PCSK6: variants seen among roughly 807,000 people sequenced by gnomAD.
The protein encoded by PCSK6 is proprotein convertase subtilisin/kexin type 6.
Under a neutral mutation model 123.3 loss-of-function variants are expected in PCSK6, and 85 were observed. The ratio of observed to expected loss-of-function variants is 0.69; its 90% CI spans 0.58 to 0.83. The LOEUF (loss-of-function observed/expected upper bound fraction) is 0.83. Ranked by LOEUF, PCSK6 falls within the 40% of genes least tolerant of loss-of-function variation. The probability of loss-of-function intolerance (pLI) is 0.00; values close to 1 mark genes in which losing one functional copy is unlikely to be tolerated. For synonymous variants in PCSK6, 508 were observed against 516.0 expected, an observed-to-expected ratio of 0.98 and a Z score of 0.21; for missense variants, 1,191 against 1,282.3, an observed-to-expected ratio of 0.93 and a Z score of 1.09.
Position 101,325,062 on chromosome 15 carries a change from C to A in PCSK6, c.2181-16G>T. On this transcript the variant is annotated splice_polypyrimidine_tract_variant and intron_variant, in intron 16 of 21. Coordinates refer to ENST00000611716, the MANE Select transcript of PCSK6 (RefSeq NM_002570.5). Reference sequence around the variant, plus strand: ...CACGCACTTCCTGTAGGAGCAAAGGCAGGAGGGTGAGGGCCTTGCCAACCC... The same window carrying A: ...CACGCACTTCCTGTAGGAGCAAAGGAAGGAGGGTGAGGGCCTTGCCAACCC... 1 of 1,589,288 alleles carries A rather than the reference C, an allele frequency of 6.3e-7. No homozygotes were observed. Among genetic ancestry groups the A allele is most frequent in the Non-Finnish European group, 8.6e-7 (1 of 1,168,340 alleles).
intron 5 of PCSK6, among the ~76,000 whole-genome samples, chr15:101,429,032 G>A (rs549199086): frequency 4.6e-5 from 7 of 152,314 alleles, no homozygotes; most frequent in South Asian, 4.1e-4. Flanking sequence ...TCCAGTGGCC[G>A]AGGCTTCCTG....
intron 1 of PCSK6, among the ~76,000 whole-genome samples, chr15:101,483,807 G>C (rs555187023): frequency 2.0e-5 from 3 of 152,348 alleles, no homozygotes; most frequent in South Asian, 2.1e-4. Flanking sequence ...CCTGCAGCCA[G>C]ACATTCTGTT....
intron 19 of PCSK6, among the ~76,000 whole-genome samples, chr15:101,314,999 T>G (rs2039955827): frequency 2.0e-5 from 3 of 152,164 alleles, no homozygotes; most frequent in Admixed American, 6.6e-5. Context: ...TGGGAGCTGT[T>G]CAGGGCCTGC....
chr15:101,489,663 G>A lies in PCSK6; in HGVS notation c.8C>T (p.Pro3Leu), dbSNP rs2058129263. 4.2e-5 allele frequency: 41 copies of A among 976,690 alleles called. No homozygotes were observed. The highest frequency in any genetic ancestry group is 6.4e-5 in the Admixed American group (1 of 15,650). 60.5% of individuals were successfully genotyped at this position (976,690 alleles called of 1,614,324 possible). A position where few individuals can be genotyped will look rare whatever the true frequency, so the allele number is the denominator to read the frequency against. The change falls in exon 1 of 22, where the codon CCG becomes CTG. Residue 3 changes from proline (P) to leucine (L), a missense_variant. Transcript: ENST00000611716. ...GGGCCCGGGCGCAGGCGGCGCGCGC[G>A]GAGGCATAGCGGCGACAGGCTCGCG... MP[P>L]RAPPAPGPRP... is the part of the protein sequence containing the mutation.
Position 101,326,387 on chromosome 15 carries a change from T to C in PCSK6, c.2170A>G (p.Lys724Glu). 6.4e-7 allele frequency: 1 copy of C among 1,572,352 alleles called. No individual in the cohort carries two copies. The highest frequency in any genetic ancestry group is 1.4e-5 in the African/African-American group (1 of 73,910). ...NCVHFSLGSV[K>E]TSRKCVSVCP... is the part of the protein sequence containing the mutation. The stretch of plus-strand genomic sequence containing the variant: ...CGGGACATGCATTACCTGCTGGTCT[T>C]GACACTCCCCAGGCTGAAGTGGACG... The change falls in exon 16 of 22, where the codon AAG becomes GAG. Residue 724 changes from lysine to glutamate, a missense_variant. Physicochemically the swap from Lys to Glu is moderately conservative, Grantham distance 56. This residue lies in a region of PCSK6 where 630 missense variants were observed against 631.4 expected (regional missense o/e 1.00). Coordinates refer to ENST00000611716, the MANE Select transcript of PCSK6 (RefSeq NM_002570.5).
chr15:101,483,679 A>G (rs925985930), intron 1 of PCSK6, among the ~76,000 whole-genome samples: 5 of 152,224 alleles, frequency 3.3e-5, no homozygotes, highest in Non-Finnish European at 5.9e-5. Flanking sequence ...CTGAGTCACA[A>G]TGTCAAAGGT....
At chr15:101,422,677 GT>G (rs1158915261) in intron 6 of PCSK6, among the ~76,000 whole-genome samples, 20 of 151,290 alleles carry the variant, frequency 1.3e-4, no homozygotes, top group African/African-American at 4.4e-4. Flanking sequence ...CTGGAGTGCA[GT>G]TGGCGCGATC....
chr15:101,469,268 G>A (rs1332339177), intron 1 of PCSK6, among the ~76,000 whole-genome samples: 1 of 152,124 alleles, frequency 6.6e-6, no homozygotes, highest in South Asian at 2.1e-4. Flanking sequence ...AGAAAAGCTG[G>A]GGGAGAGGAT....
At chr15:101,408,087 C>T (rs767943286) in intron 6 of PCSK6, among the ~76,000 whole-genome samples, 3 of 152,206 alleles carry the variant, frequency 2.0e-5, no homozygotes, top group Non-Finnish European at 2.9e-5. Context: ...GAGCCGGCAG[C>T]TTGGGATGCA....
intron 17 of PCSK6, among the ~76,000 whole-genome samples, chr15:101,324,437 G>A (rs1225127423): frequency 6.6e-6 from 1 of 152,204 alleles, no homozygotes; most frequent in Non-Finnish European, 1.5e-5. Flanking sequence ...CAGAGAAGCC[G>A]ATGGCATAGT....
intron 1 of PCSK6, among the ~76,000 whole-genome samples, chr15:101,455,983 C>T (rs2057168657): frequency 6.6e-6 from 1 of 152,222 alleles, no homozygotes; most frequent in South Asian, 2.1e-4. Context: ...AGGTCCCAGC[C>T]CATCTCTGCA....
intron 7 of PCSK6, among the ~76,000 whole-genome samples, chr15:101,395,536 G>A (rs1363492721): frequency 1.3e-5 from 2 of 152,226 alleles, no homozygotes; most frequent in Non-Finnish European, 2.9e-5. Flanking sequence ...ACATGGAAAT[G>A]AGGCGAGGAA....
At chr15:101,362,172 G>A (rs902418682) in intron 13 of PCSK6, among the ~76,000 whole-genome samples, 3 of 152,048 alleles carry the variant, frequency 2.0e-5, no homozygotes, top group Non-Finnish European at 4.4e-5. Flanking sequence ...TGGCCAGGAT[G>A]GTCTCGATCT....
At chr15:101,347,113 T>C (rs2040754088) in intron 13 of PCSK6, 8 of 1,231,618 alleles carry the variant, frequency 6.5e-6, no homozygotes, top group African/African-American at 6.2e-5. Flanking sequence ...GTGGGAGTGA[T>C]ACTCTATAAT....
At chr15:101,357,595 C>T (rs1196403951) in intron 13 of PCSK6, among the ~76,000 whole-genome samples, 1 of 152,230 alleles carries the variant, frequency 6.6e-6, no homozygotes, top group Non-Finnish European at 1.5e-5. Flanking sequence ...TGCAGGCAGG[C>T]TGGGCTTCCC....
chr15:101,342,178 A>G (rs2040630973), intron 13 of PCSK6, among the ~76,000 whole-genome samples: 1 of 151,562 alleles, frequency 6.6e-6, no homozygotes, highest in Non-Finnish European at 1.5e-5. Flanking sequence ...GCAAAAAGTA[A>G]TATCACTGTT....
In PCSK6 at chr15:101,431,926, A is replaced by C. The variant is rs1437075058; in HGVS notation, c.513+64T>G. 4.3e-6 allele frequency: 5 copies of C among 1,152,728 alleles called. No individual in the cohort carries two copies. The East Asian group carries it at 1.2e-4, about 28-fold the overall frequency. 71.4% of individuals were successfully genotyped at this position (1,152,728 alleles called of 1,614,324 possible). Reference sequence around the variant, plus strand: ...GAATTTAGCTTTGTTGAGGGAAATTAACCCATTTCAGAGACCTGGCAGTGC... The same window carrying C: ...GAATTTAGCTTTGTTGAGGGAAATTCACCCATTTCAGAGACCTGGCAGTGC... On this transcript the variant is annotated intron_variant, in intron 3 of 21. Coordinates refer to ENST00000611716, the MANE Select transcript of PCSK6 (RefSeq NM_002570.5).
chr15:101,481,497 G>C (rs774134188), intron 1 of PCSK6, among the ~76,000 whole-genome samples: 10 of 152,178 alleles, frequency 6.6e-5, no homozygotes, highest in Non-Finnish European at 1.5e-4. Context: ...GATGGGGGAT[G>C]GGCAGAGCTG....
In PCSK6 at chr15:101,389,478, C is replaced by T. The variant is rs2141536595; in HGVS notation, c.1296G>A (p.Leu432=). 6.2e-7 allele frequency: 1 copy of T among 1,612,742 alleles called. No homozygotes were observed. Among genetic ancestry groups the T allele is most frequent in the Non-Finnish European group, 8.5e-7 (1 of 1,179,116 alleles). ...TGGGAACTTACTTTGCTTCTAGAGC[C>T]AAGGCGATGATGCCCGCCACCATGG... ...SAPMVAGIIA[L]ALEANSQLTW... Residue 432 remains leucine (L), a synonymous_variant, in exon 9 of 22, where the codon TTG becomes TTA. Coordinates refer to ENST00000611716, the MANE Select transcript of PCSK6 (RefSeq NM_002570.5).
Sources: allele counts gnomAD v4.1 joint callset (sites outside exome capture counted in the v4.1 genomes callset), GRCh38; gene constraint gnomAD v4.1.1; regional missense constraint gnomAD v4.1.1; transcripts MANE v1.5; gene names NCBI Gene and HGNC (gene_info 2026-07-23, HGNC 2026-07-21).